The following PI4K2B variants were observed in gnomAD, a reference collection of about 807,000 sequenced individuals.
PI4K2B encodes the protein phosphatidylinositol 4-kinase type 2 beta, also known as phosphatidylinositol 4-kinase type 2-beta.
A neutral mutation model predicts 56.6 loss-of-function variants in PI4K2B; 46 were observed. The observed-to-expected ratio is 0.81, with a 90% CI of 0.64 to 1.04. The LOEUF is 1.04. PI4K2B is among the 50% of genes least tolerant of loss of function. PI4K2B has a pLI of 0.00. For missense variants in PI4K2B, 556 were observed against 607.7 expected (o/e 0.91, Z 0.89); for synonymous variants, 211 against 223.8 (o/e 0.94, Z 0.51).
chr4:25,269,723 G>C (rs1416670767), intron 9 of PI4K2B, among the ~76,000 whole-genome samples: 2 of 149,116 alleles, frequency 1.3e-5, no homozygotes, highest in Non-Finnish European at 3.0e-5. Context: ...TTTTGTTTTT[G>C]TTTTTTTTGA....
chr4:25,234,160 G>T lies in PI4K2B; in HGVS notation c.-4G>T. The stretch of plus-strand genomic sequence containing the variant: ...TCTCAGCGCGGAGGGAGCAGAGGGA[G>T]TCCATGGAGGATCCCTCCGAGCCCG... On this transcript the variant is annotated 5_prime_UTR_variant, in exon 1 of 10. Coordinates refer to ENST00000264864, the MANE Select transcript of PI4K2B (RefSeq NM_018323.4). The T allele has an allele frequency of 7.3e-7, 1 of 1,370,218 alleles. No homozygotes were observed. 84.9% of individuals were successfully genotyped at this position (1,370,218 alleles called of 1,614,324 possible).
chr4:25,263,767 T>C lies in PI4K2B; in HGVS notation c.996T>C (p.Asp332=). The part of the protein sequence containing the change: ...EIDHKESKWI[D]DEEFLIKIAA... ...CTCTATAGGAATCAAAATGGATTGA[T>C]GATGAAGAATTCCTTATTAAAATAG... Residue 332 remains aspartate (D), a synonymous_variant, in exon 7 of 10, where the codon GAT becomes GAC. Coordinates refer to ENST00000264864, the MANE Select transcript of PI4K2B (RefSeq NM_018323.4). The C allele has an allele frequency of 7.0e-7, 1 of 1,429,750 alleles. No homozygotes were observed. The highest frequency in any genetic ancestry group is 9.9e-7 in the Non-Finnish European group (1 of 1,013,600). The allele number at this position is 1,429,750 out of a possible 1,614,324, so 88.6% of individuals were successfully genotyped here.
intron 9 of PI4K2B, chr4:25,276,613 T>C: frequency 3.1e-6 from 3 of 976,156 alleles, no homozygotes; most frequent in Non-Finnish European, 3.7e-6. Flanking sequence ...GTTGAATGAA[T>C]GGATAAGGCA....
chr4:25,248,160 T>C (rs1374861085), intron 1 of PI4K2B, among the ~76,000 whole-genome samples: 1 of 152,212 alleles, frequency 6.6e-6, no homozygotes, highest in East Asian at 1.9e-4. Flanking sequence ...ACATACTTCA[T>C]ACATACTTAC....
At position 25,276,816 on chromosome 4, in the gene PI4K2B, T is replaced by TGC. The variant is rs1233512239; in HGVS notation, c.1273-194_1273-193dup. The TGC allele has an allele frequency of 5.1e-4, 414 of 814,880 alleles. 1 individual carries two copies. Among genetic ancestry groups the TGC allele is most frequent in the Non-Finnish European group, 5.4e-4 (368 of 677,448 alleles). 50.5% of individuals were successfully genotyped at this position (814,880 alleles called of 1,614,324 possible). A position where few individuals can be genotyped will look rare whatever the true frequency, so the allele number is the denominator to read the frequency against. On this transcript the variant is annotated intron_variant, in intron 9 of 9. Transcript: ENST00000264864. ...AATGCTAATTGTGTGTGTGTGTGTG[T>TGC]GCGCGTGTGTGTGTGCGCGTGTGTG...
intron 1 of PI4K2B, among the ~76,000 whole-genome samples, chr4:25,238,505 T>TA (rs1346200312): frequency 1.3e-5 from 2 of 152,188 alleles, no homozygotes; most frequent in Non-Finnish European, 2.9e-5. Flanking sequence ...CGGTTAGTGT[T>TA]ACAGTTCTTA....
At chr4:25,271,861 G>C (rs554887688) in intron 9 of PI4K2B, among the ~76,000 whole-genome samples, 6 of 152,322 alleles carry the variant, frequency 3.9e-5, no homozygotes, top group Non-Finnish European at 7.3e-5. Flanking sequence ...AAAAATACCT[G>C]TCTGAGTGCA....
chr4:25,255,536 G>C (rs1716232865), intron 3 of PI4K2B, among the ~76,000 whole-genome samples: 3 of 152,118 alleles, frequency 2.0e-5, no homozygotes, highest in Admixed American at 2.0e-4. Flanking sequence ...AAATATCAGG[G>C]GATCCAGAGA....
intron 1 of PI4K2B, among the ~76,000 whole-genome samples, chr4:25,239,236 C>T (rs923861658): frequency 3.9e-5 from 6 of 152,224 alleles, no homozygotes; most frequent in South Asian, 2.1e-4. Flanking sequence ...CCGTGCCTTG[C>T]GCCCACACTC....
chr4:25,234,521 G>A (rs1463421832), intron 1 of PI4K2B, 90 bp downstream of exon 1: 1 of 935,784 alleles, frequency 1.1e-6, no homozygotes, highest in Non-Finnish European at 1.4e-6. Flanking sequence ...CGCGCTGGCC[G>A]AGGTGGACGG....
At chr4:25,276,252 T>C (rs1403390931) in intron 9 of PI4K2B, 1 of 193,416 alleles carries the variant, frequency 5.2e-6, no homozygotes, top group Non-Finnish European at 9.4e-6. Context: ...GTATTGTGTT[T>C]CATAACCTTA....
At chr4:25,244,737 C>T (rs1490870924) in intron 1 of PI4K2B, among the ~76,000 whole-genome samples, 3 of 152,180 alleles carry the variant, frequency 2.0e-5, no homozygotes, top group Non-Finnish European at 2.9e-5. Context: ...GAACCCGCAA[C>T]GGTCCCTGGA....
chr4:25,248,391 G>A (rs534588369), intron 1 of PI4K2B, among the ~76,000 whole-genome samples: 4 of 152,216 alleles, frequency 2.6e-5, no homozygotes, highest in South Asian at 2.1e-4. Context: ...ATAAGTTCTC[G>A]TTTTGGAGTT....
chr4:25,244,543 A>T (rs1208006948), intron 1 of PI4K2B, among the ~76,000 whole-genome samples: 1 of 152,180 alleles, frequency 6.6e-6, no homozygotes, highest in Non-Finnish European at 1.5e-5. Flanking sequence ...CAGAGAGAGA[A>T]TATTGGGGCC....
At chr4:25,244,359 G>C (rs1715668708) in intron 1 of PI4K2B, among the ~76,000 whole-genome samples, 1 of 152,166 alleles carries the variant, frequency 6.6e-6, no homozygotes, top group Non-Finnish European at 1.5e-5. Flanking sequence ...AAGCTGAGAA[G>C]TCCTCCTGTG....
chr4:25,249,119 C>A (rs191513706), intron 1 of PI4K2B, among the ~76,000 whole-genome samples: 2 of 152,096 alleles, frequency 1.3e-5, no homozygotes, highest in African/African-American at 4.8e-5. Flanking sequence ...CAGAGAGCGC[C>A]GGGTTGGGGG....
At chr4:25,241,708 C>T (rs1433705195) in intron 1 of PI4K2B, among the ~76,000 whole-genome samples, 1 of 152,212 alleles carries the variant, frequency 6.6e-6, no homozygotes, top group African/African-American at 2.4e-5. Context: ...TACACTTAAA[C>T]AGTGAGGCCA....
Position 25,268,509 on chromosome 4 carries a change from T to G in PI4K2B, c.1145T>G (p.Ile382Ser). 1 of 1,598,596 alleles carries G rather than the reference T, an allele frequency of 6.3e-7. No homozygotes were observed. Among genetic ancestry groups the G allele is most frequent in the Non-Finnish European group, 8.6e-7 (1 of 1,169,100 alleles). Residue 382 changes from isoleucine (I) to serine (S), a missense_variant, in exon 8 of 10, where the codon ATT (isoleucine) becomes AGT (serine). Coordinates refer to ENST00000264864, the MANE Select transcript of PI4K2B (RefSeq NM_018323.4). Reference sequence around the variant, plus strand: ...TTTTCTGAAGAAATAAGAAATTTGATTCTACCATATATTTCTGACATGAAC... The same window carrying G: ...TTTTCTGAAGAAATAAGAAATTTGAGTCTACCATATATTTCTGACATGAAC... The part of the protein sequence containing the change: ...VPFSEEIRNL[I>S]LPYISDMNFV...
chr4:25,243,547 G>T (rs1715627415), intron 1 of PI4K2B, among the ~76,000 whole-genome samples: 1 of 152,144 alleles, frequency 6.6e-6, no homozygotes, highest in South Asian at 2.1e-4. Context: ...GAACACCGAG[G>T]TTGCCAGGTT....
Sources: gnomAD v4.1 joint callset for allele counts (sites outside exome capture counted in the v4.1 genomes callset) on GRCh38, gnomAD v4.1.1 for gene constraint, MANE v1.5 for transcripts, NCBI Gene and HGNC (gene_info 2026-07-23, HGNC 2026-07-21) for gene names.